The following METTL25 variants were observed in gnomAD, a reference collection of about 807,000 sequenced individuals.
METTL25 encodes methyltransferase like 25, also known as probable methyltransferase-like protein 25.
In METTL25, 64 loss-of-function variants were observed where a neutral mutation model predicts 71.6. The observed-to-expected ratio is 0.89, with a 90% CI of 0.73 to 1.10. METTL25 has a LOEUF of 1.10. Among genes scored for constraint, METTL25 ranks in the 50% least tolerant of loss-of-function variants. The pLI, the probability that METTL25 is intolerant of heterozygous loss-of-function variation, is 0.00. For missense variants in METTL25, 807 were observed against 707.0 expected (o/e 1.14, Z -1.60); for synonymous variants, 287 against 250.3 (o/e 1.15, Z -1.38).
chr12:82,371,902 T>C (rs913164124), intron 1 of METTL25, among the ~76,000 whole-genome samples: 7 of 152,128 alleles, frequency 4.6e-5, no homozygotes, highest in African/African-American at 1.7e-4. Flanking sequence ...AGAACACAGG[T>C]CAACAGATGT....
chr12:82,363,079 G>A (rs1015584202), intron 1 of METTL25, among the ~76,000 whole-genome samples: 2 of 152,122 alleles, frequency 1.3e-5, no homozygotes, highest in Non-Finnish European at 2.9e-5. Context: ...GATCGGAGCA[G>A]GTGCAAATTT....
At chr12:82,406,914 T>C (rs1276202634) in intron 5 of METTL25, among the ~76,000 whole-genome samples, 1 of 152,128 alleles carries the variant, frequency 6.6e-6, no homozygotes, top group African/African-American at 2.4e-5. Flanking sequence ...CATGCAGTGA[T>C]AGATGTTTAA....
At chr12:82,473,927 C>T (rs1273753980) in intron 9 of METTL25, among the ~76,000 whole-genome samples, 7 of 152,120 alleles carry the variant, frequency 4.6e-5, no homozygotes, top group Non-Finnish European at 1.0e-4. Context: ...GAAGATAGAA[C>T]CCCAGTGGTG....
At chr12:82,460,894 A>T (rs562212982) in intron 9 of METTL25, among the ~76,000 whole-genome samples, 6 of 152,232 alleles carry the variant, frequency 3.9e-5, no homozygotes, top group Admixed American at 3.9e-4. Flanking sequence ...CTGTAATCCC[A>T]GCACTTTGGG....
rs61995926 is a variant in METTL25, at chr12:82,398,892, C to T, written c.629C>T (p.Thr210Ile). 4.2e-5 allele frequency: 68 copies of T among 1,611,620 alleles called. No individual in the cohort carries two copies. The African/African-American group carries it at 8.4e-4, about 20-fold the overall frequency. Residue 210 changes from threonine to isoleucine, a missense_variant, in exon 4 of 12, where the codon ACT becomes ATT. Transcript: ENST00000248306. ...VYGIDSSNTN[T>I]HGAEERNRKL... ...GGAATTGATTCTTCAAATACCAATACTCATGGAGCTGAGGAGAGAAACAGA... is the reference window on the plus strand; with the variant it reads ...GGAATTGATTCTTCAAATACCAATATTCATGGAGCTGAGGAGAGAAACAGA...
chr12:82,478,800 C>G (rs1004217734), intron 11 of METTL25, 132 bp from the exon 12 acceptor site: 1 of 685,260 alleles, frequency 1.5e-6, no homozygotes, highest in Non-Finnish European at 2.3e-6. Context: ...TTTTGTTTAA[C>G]AAAGCATAAG....
chr12:82,398,979 C>T lies in METTL25; in HGVS notation c.716C>T (p.Ala239Val), dbSNP rs764834365. 1 of 1,606,838 alleles carries T rather than the reference C, an allele frequency of 6.2e-7. No individual in the cohort carries two copies. Among genetic ancestry groups the T allele is most frequent in the Non-Finnish European group, 8.5e-7 (1 of 1,176,476 alleles). Residue 239 changes from alanine (A) to valine (V), a missense_variant, in exon 4 of 12, where the codon GCA becomes GTA. Transcript: ENST00000248306. ...AQSRLDVNGLALKMAKERKVQ... is the reference protein window; with the variant it reads ...AQSRLDVNGLVLKMAKERKVQ... ...TCAAGATTAGATGTCAATGGACTAG[C>T]ATTAAAAATGGCAAAAGAAAGGAAA...
intron 8 of METTL25, among the ~76,000 whole-genome samples, chr12:82,440,203 T>A (rs1039167632): frequency 2.6e-5 from 4 of 152,028 alleles, no homozygotes; most frequent in Non-Finnish European, 4.4e-5. Flanking sequence ...CATTCTTTAA[T>A]GTTTTATATG....
intron 1 of METTL25, among the ~76,000 whole-genome samples, chr12:82,368,687 G>T (rs1882850053): frequency 6.6e-6 from 1 of 152,172 alleles, no homozygotes; most frequent in Non-Finnish European, 1.5e-5. Flanking sequence ...GTTTCTTCCA[G>T]TTCTCAAATC....
At position 82,438,869 on chromosome 12, in the gene METTL25, T is replaced by C. The variant is rs563282195; in HGVS notation, c.1478+78T>C. The C allele has an allele frequency of 2.8e-5, 37 of 1,343,836 alleles. No individual in the cohort carries two copies. In the African/African-American group the frequency reaches 4.5e-4, roughly 16 times the overall value. 83.2% of individuals were successfully genotyped at this position (1,343,836 alleles called of 1,614,324 possible). A position where few individuals can be genotyped will look rare whatever the true frequency, so the allele number is the denominator to read the frequency against. ...GACTTTTAGTCTTCAGGTGAATTTA[T>C]GCAGGGTCACTGTTATTAGTAGAAG... is the stretch of plus-strand genomic sequence containing the variant. On this transcript the variant is annotated intron_variant, in intron 8 of 11. Coordinates refer to ENST00000248306, the MANE Select transcript of METTL25 (RefSeq NM_032230.3).
At chr12:82,466,133 G>A (rs568568164) in intron 9 of METTL25, among the ~76,000 whole-genome samples, 43 of 150,286 alleles carry the variant, frequency 2.9e-4, no homozygotes, top group Middle Eastern at 6.8e-3. Context: ...TACTAATTTC[G>A]GATTTGGCTT....
chr12:82,363,831 T>G (rs992195960), intron 1 of METTL25, among the ~76,000 whole-genome samples: 2 of 151,572 alleles, frequency 1.3e-5, no homozygotes, highest in Non-Finnish European at 2.9e-5. Context: ...AATTGAAGGA[T>G]AGTGTGACCC....
intron 1 of METTL25, among the ~76,000 whole-genome samples, chr12:82,359,356 G>A (rs1216492244): frequency 6.6e-6 from 1 of 152,164 alleles, no homozygotes; most frequent in Non-Finnish European, 1.5e-5. Flanking sequence ...GCTAGGCTTG[G>A]CTCTAGCCAG....
chr12:82,445,140 T>C (rs1052473072), intron 8 of METTL25, among the ~76,000 whole-genome samples: 18 of 152,156 alleles, frequency 1.2e-4, no homozygotes, highest in Admixed American at 9.8e-4. Flanking sequence ...GAAAATATAT[T>C]TGAGACCTGT....
rs549796199 is a variant in METTL25, at chr12:82,361,644, C to T, written c.259+2820C>T. On this transcript the variant is annotated intron_variant, in intron 1 of 11. Coordinates refer to ENST00000248306, the MANE Select transcript of METTL25 (RefSeq NM_032230.3). Reference sequence around the variant, plus strand: ...CTGCTGGGGGACTTGGTGCATCCTCCGCAGCTGCTGTCCTGGGTGCTAAGC... The same window carrying T: ...CTGCTGGGGGACTTGGTGCATCCTCTGCAGCTGCTGTCCTGGGTGCTAAGC... Among the ~76,000 whole-genome samples the T allele has an allele frequency of 5.3e-5, 8 of 152,300 alleles. No individual in the cohort carries two copies. In the South Asian group the frequency reaches 8.3e-4, roughly 16 times the overall value.
intron 8 of METTL25, among the ~76,000 whole-genome samples, chr12:82,444,283 A>G (rs1258945266): frequency 6.6e-6 from 1 of 152,174 alleles, no homozygotes; most frequent in Non-Finnish European, 1.5e-5. Flanking sequence ...GTAACTGTCA[A>G]CCGATAATAT....
chr12:82,358,541 C>T lies in METTL25; in HGVS notation c.-25C>T, dbSNP rs200602435. 3.2e-5 allele frequency: 52 copies of T among 1,604,712 alleles called. No individual in the cohort carries two copies. In the African/African-American group the frequency reaches 4.9e-4, roughly 15 times the overall value. ...GCGCCTCACGGCCATGTTTGCGCCA[C>T]CTACAGCCTCGGAGGGTGAGCGTCA... On this transcript the variant is annotated 5_prime_UTR_variant, in exon 1 of 12. Coordinates refer to ENST00000248306, the MANE Select transcript of METTL25 (RefSeq NM_032230.3).
At chr12:82,444,636 A>G (rs1252370144) in intron 8 of METTL25, among the ~76,000 whole-genome samples, 1 of 152,316 alleles carries the variant, frequency 6.6e-6, no homozygotes, top group East Asian at 1.9e-4. Context: ...ACAGACATCA[A>G]AAAGTCAAAA....
chr12:82,420,394 A>C (rs1888372067), intron 5 of METTL25, among the ~76,000 whole-genome samples: 1 of 152,170 alleles, frequency 6.6e-6, no homozygotes, highest in Admixed American at 6.5e-5. Flanking sequence ...TTTTAAAGGT[A>C]ATGAATAAGT....
Sources: gnomAD v4.1 joint callset for allele counts (sites outside exome capture counted in the v4.1 genomes callset) on GRCh38, gnomAD v4.1.1 for gene constraint, MANE v1.5 for transcripts, NCBI Gene and HGNC (gene_info 2026-07-23, HGNC 2026-07-21) for gene names.